Variants in ARHGAP39 observed in about 807,000 individuals in gnomAD.
ARHGAP39 encodes rho GTPase-activating protein 39.
ARHGAP39 carries 44 observed loss-of-function variants against 106.9 expected under a neutral mutation model. The observed-to-expected ratio is 0.41, with a 90% CI of 0.32 to 0.53. ARHGAP39 has a LOEUF of 0.53. ARHGAP39 is among the 20% of genes least tolerant of loss of function. ARHGAP39 has a pLI of 0.21. For synonymous variants in ARHGAP39, 768 were observed against 693.2 expected (o/e 1.11, Z -1.69); for missense variants, 1,496 against 1,577.3 (o/e 0.95, Z 0.87).
At position 144,646,451 on chromosome 8, in the gene ARHGAP39, T is replaced by TA. The variant is rs528414278; in HGVS notation, c.-82+39234dup. 1.5e-3 allele frequency among the ~76,000 whole-genome samples: 235 copies of TA among 151,954 alleles called. No individual in the cohort carries two copies. Among genetic ancestry groups the TA allele is most frequent in the African/African-American group, 5.2e-3 (214 of 41,420 alleles). On this transcript the variant is annotated intron_variant, in intron 1 of 11. Coordinates refer to ENST00000377307, the MANE Select transcript of ARHGAP39 (RefSeq NM_025251.3). The surrounding 1 kb of genome is among the most constrained non-coding windows in gnomAD (Gnocchi z 5.7). ...TATCGATAGCCAAAAAACTAAATTT[T>TA]AAAAAATCACCAAAAAAAGTGTGGA... is the stretch of plus-strand genomic sequence containing the variant.
At chr8:144,534,554 A>G (rs993947871) in intron 7 of ARHGAP39, among the ~76,000 whole-genome samples, 1 of 152,170 alleles carries the variant, frequency 6.6e-6, no homozygotes, top group Non-Finnish European at 1.5e-5. Flanking sequence ...CTGTCCAGGT[A>G]TTTGACTCTT....
chr8:144,561,584 G>A (rs548520542), intron 3 of ARHGAP39, among the ~76,000 whole-genome samples: 86 of 112,614 alleles, frequency 7.6e-4, no homozygotes, highest in Middle Eastern at 6.5e-3. Flanking sequence ...GGTTTCCATC[G>A]GACCCCAGTG....
At chr8:144,534,286 G>A (rs1040669996) in intron 7 of ARHGAP39, 84 bp from the exon 8 acceptor site, 7 of 1,504,462 alleles carry the variant, frequency 4.7e-6, no homozygotes, top group African/African-American at 2.8e-5. Context: ...CAGCTCCTTC[G>A]AGGGCCCTGG....
chr8:144,635,216 G>A (rs957800721), intron 1 of ARHGAP39, among the ~76,000 whole-genome samples: 3 of 152,232 alleles, frequency 2.0e-5, no homozygotes, highest in Non-Finnish European at 2.9e-5. Flanking sequence ...AAAGACCAAC[G>A]CACGATTAGA....
At chr8:144,643,088 A>G (rs1265425818) in intron 1 of ARHGAP39, among the ~76,000 whole-genome samples, 1 of 152,134 alleles carries the variant, frequency 6.6e-6, no homozygotes. Context: ...TTCTGCTGTC[A>G]ATGATCCCTT....
intron 3 of ARHGAP39, among the ~76,000 whole-genome samples, chr8:144,557,775 G>A (rs79131109): frequency 0.093 from 13,986 of 149,870 alleles, 1,516 homozygotes; most frequent in African/African-American, 0.26. Flanking sequence ...CTGAACCTTC[G>A]TAGTATTCAG....
rs1819148440 is a variant in ARHGAP39, at chr8:144,585,495, A to ACT, written c.81-4220_81-4219dup. On this transcript the variant is annotated intron_variant, in intron 2 of 11. Transcript: ENST00000377307. The surrounding 1 kb of genome is among the most constrained non-coding windows in gnomAD (Gnocchi z 4.6). The stretch of plus-strand genomic sequence containing the variant: ...TCCCAGCACTGGCTTCCCCTCGTGC[A>ACT]CTCTCTTGCCCTTAGCTCCAGGGCA... Among the ~76,000 whole-genome samples, 1 of 151,064 alleles carries ACT rather than the reference A, an allele frequency of 6.6e-6. No individual in the cohort carries two copies. Among genetic ancestry groups the ACT allele is most frequent in the Non-Finnish European group, 1.5e-5 (1 of 67,850 alleles).
rs1819400970 is a variant in ARHGAP39, at chr8:144,591,636, G to A, written c.81-10359C>T. The stretch of plus-strand genomic sequence containing the variant: ...GGGTGCGTGCCAGAAGAGAGGCGAG[G>A]GGTGGGGGAGCAGAGGCGAGGAAGG... On this transcript the variant is annotated intron_variant, in intron 2 of 11. Coordinates refer to ENST00000377307, the MANE Select transcript of ARHGAP39 (RefSeq NM_025251.3). This position sits in a 1 kb window ranked among gnomAD's most constrained non-coding sequence, Gnocchi z 5.3. Among the ~76,000 whole-genome samples, 1 of 152,310 alleles carries A rather than the reference G, an allele frequency of 6.6e-6. No individual in the cohort carries two copies. Among genetic ancestry groups the A allele is most frequent in the African/African-American group, 2.4e-5 (1 of 41,572 alleles).
chr8:144,694,831 TA>T, the ARHGAP39 span, among the ~76,000 whole-genome samples: 5 of 152,000 alleles, frequency 3.3e-5, no homozygotes, highest in African/African-American at 1.2e-4. Context: ...TCTCCTTCCA[TA>T]AGGAGGGACA....
chr8:144,649,874 C>A (rs968048226), intron 1 of ARHGAP39, among the ~76,000 whole-genome samples: 1 of 151,902 alleles, frequency 6.6e-6, no homozygotes, highest in Non-Finnish European at 1.5e-5. Context: ...CGGATAAATT[C>A]TTGGACATGC....
At chr8:144,619,785 C>CCT (rs1820741447) in intron 1 of ARHGAP39, among the ~76,000 whole-genome samples, 1 of 125,232 alleles carries the variant, frequency 8.0e-6, no homozygotes, top group African/African-American at 3.1e-5. Flanking sequence ...AGCCTGTGTC[C>CCT]GAGAGAGCGC....
chr8:144,602,225 CTG>C (rs1422854863), intron 2 of ARHGAP39, among the ~76,000 whole-genome samples: 7 of 117,684 alleles, frequency 5.9e-5, no homozygotes, highest in Non-Finnish European at 6.8e-5. Context: ...GCTCGTGTAC[CTG>C]TGTGCATGTG....
chr8:144,539,865 C>G (rs886143985), intron 6 of ARHGAP39, among the ~76,000 whole-genome samples: 6 of 152,172 alleles, frequency 3.9e-5, no homozygotes, highest in African/African-American at 1.4e-4. Flanking sequence ...GGGGTTTTGG[C>G]TATTCTAGGT....
intron 1 of ARHGAP39, among the ~76,000 whole-genome samples, chr8:144,676,076 G>C (rs534712712): frequency 6.6e-4 from 100 of 152,342 alleles, no homozygotes; most frequent in African/African-American, 2.4e-3. Context: ...CGGACCCAAA[G>C]AGTGAGCACC....
chr8:144,675,551 C>T lies in ARHGAP39; in HGVS notation c.-82+10135G>A, dbSNP rs577555139. ...TGCGTCTGGAGTTGTTCATTCCTTC[C>T]GGTGGGTTTGTGGTCTCGCTGGCCT... On this transcript the variant is annotated intron_variant, in intron 1 of 11. Transcript: ENST00000377307. Among the ~76,000 whole-genome samples, 29 of 151,840 alleles carry T rather than the reference C, an allele frequency of 1.9e-4. No individual in the cohort carries two copies. In the South Asian group the frequency reaches 2.3e-3, roughly 12 times the overall value.
chr8:144,540,427 C>G (rs895569945), intron 6 of ARHGAP39, among the ~76,000 whole-genome samples: 1 of 151,996 alleles, frequency 6.6e-6, no homozygotes, highest in African/African-American at 2.4e-5. Flanking sequence ...CCCTGGAGAC[C>G]CTGTCTCTAA....
At chr8:144,629,404 G>A (rs773860427) in intron 1 of ARHGAP39, among the ~76,000 whole-genome samples, 3 of 152,170 alleles carry the variant, frequency 2.0e-5, no homozygotes, top group Non-Finnish European at 4.4e-5. Flanking sequence ...GGCGGAGCAC[G>A]GCTGTGAGAC....
chr8:144,644,305 G>A lies in ARHGAP39; in HGVS notation c.-81-38610C>T, dbSNP rs112117572. On this transcript the variant is annotated intron_variant, in intron 1 of 11. Transcript: ENST00000377307. This position sits in a 1 kb window ranked among gnomAD's most constrained non-coding sequence, Gnocchi z 4.8. ...GTGTTTTAAAAAACAAAAGAAAGCA[G>A]GCAACAAAGTCAGACACAAAAGATG... Among the ~76,000 whole-genome samples the A allele has an allele frequency of 0.022, 3,370 of 152,204 alleles. 108 individuals carry two copies. Among genetic ancestry groups the A allele is most frequent in the African/African-American group, 0.073 (3,042 of 41,490 alleles).
chr8:144,545,187 C>A, intron 6 of ARHGAP39, 62 bp downstream of exon 6: 2 of 1,399,098 alleles, frequency 1.4e-6, no homozygotes, highest in Non-Finnish European at 1.9e-6. Context: ...CCGCCCAGCA[C>A]AGCAGGAGCC....
Sources: gnomAD v4.1 joint callset for allele counts (sites outside exome capture counted in the v4.1 genomes callset) on GRCh38, gnomAD v4.1.1 for gene constraint, Gnocchi (gnomAD v3.1) non-coding constraint, MANE v1.5 for transcripts, NCBI Gene and HGNC (gene_info 2026-07-23, HGNC 2026-07-21) for gene names.